The following POLR3A variants were observed in gnomAD, a reference collection of about 807,000 sequenced individuals.
The protein encoded by POLR3A is RNA polymerase III subunit A.
A neutral mutation model predicts 152.8 loss-of-function variants in POLR3A; 112 were observed. The observed-to-expected ratio is 0.73, with a 90% CI of 0.63 to 0.86. POLR3A has a LOEUF of 0.86. POLR3A is among the 40% of genes least tolerant of loss of function. The pLI is 0.00. For missense variants in POLR3A, 1,385 were observed against 1,743.1 expected (o/e 0.79, Z 3.66); for synonymous variants, 615 against 652.1 (o/e 0.94, Z 0.87).
At chr10:77,985,856 T>G in intron 23 of POLR3A, 47 bp downstream of exon 23, 3 of 1,380,928 alleles carry the variant, frequency 2.2e-6, no homozygotes, top group Non-Finnish European at 3.1e-6. Context: ...AAGGGATACG[T>G]GAGACCTATG....
chr10:77,979,542 A>G (rs1847120241), intron 30 of POLR3A, among the ~76,000 whole-genome samples: 1 of 152,232 alleles, frequency 6.6e-6, no homozygotes, highest in Non-Finnish European at 1.5e-5. Context: ...GCACAGCCCC[A>G]TAAAGCCATG....
Position 77,984,211 on chromosome 10 carries a change from C to T in POLR3A, c.3330G>A (p.Leu1110=). 2 of 1,599,032 alleles carry T rather than the reference C, an allele frequency of 1.3e-6. No individual in the cohort carries two copies. The highest frequency in any genetic ancestry group is 1.1e-5 in the South Asian group (1 of 90,796). The change falls in exon 25 of 31, where the codon TTG becomes TTA. Residue 1110 remains leucine, a synonymous_variant. Coordinates refer to ENST00000372371, the MANE Select transcript of POLR3A (RefSeq NM_007055.4). ...LVKGRIEKTL[L]GEISEYIEEV... is the part of the protein sequence containing the mutation. ...AATAGGGATTTCTTCTTACCTCTCC[C>T]AAGAGGGTTTTCTCAATTCTCCCTT...
At chr10:77,980,828 G>C (rs540187257) in intron 29 of POLR3A, among the ~76,000 whole-genome samples, 23 of 152,136 alleles carry the variant, frequency 1.5e-4, no homozygotes, top group Non-Finnish European at 2.9e-4. Context: ...ACAGCCTCAG[G>C]GTGGTAGGAA....
intron 5 of POLR3A, among the ~76,000 whole-genome samples, chr10:78,023,703 A>G (rs113236330): frequency 0.085 from 12,773 of 150,956 alleles, 1,704 homozygotes; most frequent in African/African-American, 0.29. Flanking sequence ...ACTTGAGCCT[A>G]GGAGGTCGGG....
At chr10:78,013,836 T>A in intron 10 of POLR3A, 46 bp from the exon 11 acceptor site, 3 of 1,613,376 alleles carry the variant, frequency 1.9e-6, no homozygotes, top group Non-Finnish European at 2.5e-6. Context: ...ACTTAGGCAT[T>A]TATCCAAAAG....
rs1847613228 is a variant in POLR3A at position 78,024,548 on chromosome 10, C to T, written c.645+1G>A. The T allele has an allele frequency of 1.2e-6, 2 of 1,613,046 alleles. No individual in the cohort carries two copies. The highest frequency in any genetic ancestry group is 2.2e-5 in the East Asian group (1 of 44,854). Reference sequence around the variant, plus strand: ...AGGCAGGCGTGCATTCTCAGGCTCACCTGTGCCCTTCCCAGCAGAGGCTCC... The same window carrying T: ...AGGCAGGCGTGCATTCTCAGGCTCATCTGTGCCCTTCCCAGCAGAGGCTCC... On this transcript the variant is annotated splice_donor_variant, in intron 5 of 30. Coordinates refer to ENST00000372371, the MANE Select transcript of POLR3A (RefSeq NM_007055.4). LOFTEE classifies it high-confidence loss of function.
intron 29 of POLR3A, 38 bp from the exon 30 acceptor site, chr10:77,980,311 C>T (rs1457739735): frequency 1.2e-6 from 2 of 1,610,630 alleles, no homozygotes; most frequent in Admixed American, 1.7e-5. Context: ...GGTACTCACA[C>T]CAATGGCAAA....
At chr10:78,001,183 G>T in intron 17 of POLR3A, 89 bp from the exon 18 acceptor site, 1 of 722,678 alleles carries the variant, frequency 1.4e-6, no homozygotes, top group Non-Finnish European at 2.6e-6. Context: ...AACAGGAATA[G>T]GCCCTTATGC....
intron 21 of POLR3A, among the ~76,000 whole-genome samples, chr10:77,989,687 T>C (rs1847229260): frequency 6.6e-6 from 1 of 152,240 alleles, no homozygotes; most frequent in Non-Finnish European, 1.5e-5. Context: ...GCTGGGGTGC[T>C]GCTGGAGTGG....
intron 15 of POLR3A, among the ~76,000 whole-genome samples, chr10:78,007,115 C>T (rs1037921210): frequency 1.2e-4 from 18 of 152,124 alleles, no homozygotes; most frequent in Middle Eastern, 3.4e-3. Context: ...GGAATAAGAA[C>T]GACAATACCT....
At chr10:77,995,611 C>G (rs1040784372) in intron 19 of POLR3A, among the ~76,000 whole-genome samples, 104 of 152,162 alleles carry the variant, frequency 6.8e-4, no homozygotes, top group Non-Finnish European at 1.3e-3. Context: ...GAAGAGCTAA[C>G]TATCCTAAAT....
At chr10:78,016,574 C>T (rs1280571254) in intron 10 of POLR3A, among the ~76,000 whole-genome samples, 6 of 151,934 alleles carry the variant, frequency 3.9e-5, no homozygotes, top group South Asian at 4.2e-4. Context: ...ATTAGCTGGG[C>T]GTGGTGGCAT....
chr10:77,975,978 T>C lies in POLR3A; in HGVS notation c.*1500A>G, dbSNP rs1847084818. 1 of 151,878 alleles carries C rather than the reference T, an allele frequency of 6.6e-6. No individual in the cohort carries two copies. The highest frequency in any genetic ancestry group is 1.5e-5 in the Non-Finnish European group (1 of 67,958). The allele number at this position is 151,878 out of a possible 1,614,324, so 9.4% of individuals were successfully genotyped here. ...ACCAGGCTCTAGCTCAATTCAAAGA[T>C]AAAGGGGGGTTAAACATTAAGAAAA... On this transcript the variant is annotated 3_prime_UTR_variant, in exon 31 of 31. Transcript: ENST00000372371.
At position 78,004,862 on chromosome 10, in the gene POLR3A, C is replaced by T. The variant is rs142520086; in HGVS notation, c.2101G>A (p.Gly701Ser). ...LSNRGFSIGI[G>S]DVTPGQGLLK... ...AGTCCTTGGCCAGGTGTGACATCACCGATCCCAATTGAGAAACCACGGTTA... is the reference window on the plus strand; with the variant it reads ...AGTCCTTGGCCAGGTGTGACATCACTGATCCCAATTGAGAAACCACGGTTA... Residue 701 changes from glycine (G) to serine (S), a missense_variant, in exon 16 of 31, where the codon GGT becomes AGT. By Grantham distance (56) the Gly-to-Ser change is moderately conservative. Transcript: ENST00000372371. The T allele has an allele frequency of 3.7e-6, 6 of 1,613,942 alleles. No individual in the cohort carries two copies. The highest frequency in any genetic ancestry group is 1.3e-5 in the African/African-American group (1 of 74,896).
At chr10:77,982,608 C>T (rs766648242) in intron 27 of POLR3A, 45 bp downstream of exon 27, 5 of 1,585,012 alleles carry the variant, frequency 3.2e-6, no homozygotes, top group Non-Finnish European at 4.3e-6. Context: ...GGTGTCACAC[C>T]ACAGGGAGAT....
At chr10:77,997,031 C>G (rs569606305) in intron 19 of POLR3A, among the ~76,000 whole-genome samples, 1 of 152,062 alleles carries the variant, frequency 6.6e-6, no homozygotes, top group African/African-American at 2.4e-5. Flanking sequence ...TAAATGTAAT[C>G]CAGCATATAA....
In POLR3A at chr10:78,004,778, C is replaced by T. The variant is rs761365863; in HGVS notation, c.2185G>A (p.Glu729Lys). ...TGCAGCTTGCCCGTGTTCAGGGCTT[C>T]GATGTACTCATCACATTTCTTGTAG... is the stretch of plus-strand genomic sequence containing the variant. Reference protein sequence around the residue: ...AGYKKCDEYIEALNTGKLQQQ... With the variant: ...AGYKKCDEYIKALNTGKLQQQ... Residue 729 changes from glutamate to lysine, a missense_variant, in exon 16 of 31, where the codon GAA (glutamate) becomes AAA (lysine). This residue lies in a region of POLR3A where 170 missense variants were observed against 231.2 expected (regional missense o/e 0.74). Coordinates refer to ENST00000372371, the MANE Select transcript of POLR3A (RefSeq NM_007055.4). 19 of 1,613,824 alleles carry T rather than the reference C, an allele frequency of 1.2e-5. No homozygotes were observed. The African/African-American group carries it at 1.5e-4, about 12-fold the overall frequency.
At chr10:78,025,244 C>T in intron 3 of POLR3A, 102 bp from the exon 4 acceptor site, 1 of 1,230,478 alleles carries the variant, frequency 8.1e-7, no homozygotes, top group Non-Finnish European at 1.2e-6. Context: ...AACCACGTGA[C>T]CATATACACA....
rs1376110127 is a variant in POLR3A, at chr10:78,013,771, C to T, written c.1451G>A (p.Arg484Gln). ...MAHLARVKPH[R>Q]TFRFNECVCT... ...GACACACTCATTAAATCTGAAGGTC[C>T]GGTGGGGCTTGACCCTGGCCTGTGG... The change falls in exon 11 of 31, where the codon CGG becomes CAG. Residue 484 changes from arginine (R) to glutamine (Q), a missense_variant. Transcript: ENST00000372371. 6.8e-6 allele frequency: 11 copies of T among 1,613,920 alleles called. No individual in the cohort carries two copies. Among genetic ancestry groups the T allele is most frequent in the East Asian group, 2.2e-5 (1 of 44,878 alleles).
Sources: allele counts gnomAD v4.1 joint callset (sites outside exome capture counted in the v4.1 genomes callset), GRCh38; gene constraint gnomAD v4.1.1; regional missense constraint gnomAD v4.1.1; transcripts MANE v1.5; gene names NCBI Gene and HGNC (gene_info 2026-07-23, HGNC 2026-07-21).